Variants in HDAC9 observed in about 807,000 individuals in gnomAD.
HDAC9 encodes the protein histone deacetylase 9.
A neutral mutation model predicts 139.4 loss-of-function variants in HDAC9; 41 were observed. The observed-to-expected ratio is 0.29, with a 90% CI of 0.23 to 0.38. The LOEUF is 0.38. Ranked by LOEUF, HDAC9 falls within the 10% of genes least tolerant of loss-of-function variation. HDAC9 has a pLI of 1.00. For missense variants in HDAC9, 1,147 were observed against 1,297.0 expected, an observed-to-expected ratio of 0.88 and a Z score of 1.78; for synonymous variants, 517 against 476.2, an observed-to-expected ratio of 1.09 and a Z score of -1.12.
chr7:18,653,010 G>A (rs1237478859), intron 11 of HDAC9, among the ~76,000 whole-genome samples: 1 of 152,134 alleles, frequency 6.6e-6, no homozygotes, highest in Non-Finnish European at 1.5e-5. Context: ...GCCGATGTGG[G>A]TGGATAAGCT....
intron 1 of HDAC9, among the ~76,000 whole-genome samples, chr7:18,124,631 G>A (rs544907489): frequency 6.6e-6 from 1 of 152,166 alleles, no homozygotes; most frequent in African/African-American, 2.4e-5. Flanking sequence ...TTCTAATACC[G>A]TCAACTCTAG....
intron 2 of HDAC9, among the ~76,000 whole-genome samples, chr7:18,163,369 T>TA (rs1410848846): frequency 2.6e-5 from 4 of 152,244 alleles, no homozygotes; most frequent in African/African-American, 9.6e-5. Flanking sequence ...AGATGGCAGT[T>TA]ACTTACTTAT....
intron 13 of HDAC9, among the ~76,000 whole-genome samples, chr7:18,730,019 A>G (rs1196901763): frequency 6.6e-6 from 1 of 152,240 alleles, no homozygotes. Context: ...ACTAAGAGGA[A>G]TATTTGTTAG....
intron 1 of HDAC9, among the ~76,000 whole-genome samples, chr7:18,423,034 A>C (rs1049152889): frequency 6.6e-6 from 1 of 152,188 alleles, no homozygotes; most frequent in African/African-American, 2.4e-5. Flanking sequence ...GCAGACTGCT[A>C]TTGGGTAATT....
intron 2 of HDAC9, among the ~76,000 whole-genome samples, chr7:18,563,558 C>T (rs914459245): frequency 1.3e-5 from 2 of 152,084 alleles, no homozygotes; most frequent in African/African-American, 4.8e-5. Flanking sequence ...TCTGTGATTA[C>T]ACAATGTATT....
intron 1 of HDAC9, among the ~76,000 whole-genome samples, chr7:18,407,789 A>G (rs556874710): frequency 1.7e-4 from 26 of 152,338 alleles, no homozygotes; most frequent in African/African-American, 6.0e-4. Flanking sequence ...GGATGCTGCT[A>G]TTCCCCGCAG....
At chr7:18,585,220 C>G in intron 2 of HDAC9, 61 bp from the exon 3 acceptor site, 1 of 1,565,946 alleles carries the variant, frequency 6.4e-7, no homozygotes, top group Non-Finnish European at 8.7e-7. Context: ...AATCAATGTG[C>G]TAATTTCCAA....
At chr7:18,854,602 A>G (rs1021502574) in intron 21 of HDAC9, among the ~76,000 whole-genome samples, 2 of 152,022 alleles carry the variant, frequency 1.3e-5, no homozygotes, top group Admixed American at 6.6e-5. Context: ...TGGCTGTAAG[A>G]GAAAGAAACA....
rs562262578 is a variant in HDAC9, at chr7:18,496,924, CAT to C, written c.22+601_22+602del. ...TGCTTATTTTAATTTTCTTCAAAAA[CAT>C]GTGGGAAGTCTAGCATTGTCAGGCA... On this transcript the variant is annotated intron_variant, in intron 2 of 25. Coordinates refer to ENST00000686413, the MANE Select transcript of HDAC9 (RefSeq NM_178425.4). Among the ~76,000 whole-genome samples the C allele has an allele frequency of 1.4e-3, 217 of 152,096 alleles. 2 individuals are homozygous for C. The highest frequency in any genetic ancestry group is 5.1e-3 in the African/African-American group (211 of 41,500).
chr7:18,222,043 G>A (rs1413325272), intron 2 of HDAC9, among the ~76,000 whole-genome samples: 1 of 152,136 alleles, frequency 6.6e-6, no homozygotes, highest in African/African-American at 2.4e-5. Flanking sequence ...TGAAAGAAGT[G>A]AATTAGTTTG....
chr7:18,283,247 G>A (rs1195372418), intron 2 of HDAC9, among the ~76,000 whole-genome samples: 1 of 152,108 alleles, frequency 6.6e-6, no homozygotes, highest in African/African-American at 2.4e-5. Context: ...CATGGTGGCA[G>A]GAGGGAGCAA....
chr7:18,577,759 A>G (rs1429040342), intron 2 of HDAC9, among the ~76,000 whole-genome samples: 1 of 152,212 alleles, frequency 6.6e-6, no homozygotes, highest in Non-Finnish European at 1.5e-5. Flanking sequence ...GAAGGAAACT[A>G]TGTGTTAAGA....
At chr7:18,567,285 CT>C (rs1822672275) in intron 2 of HDAC9, among the ~76,000 whole-genome samples, 1 of 152,144 alleles carries the variant, frequency 6.6e-6, no homozygotes, top group Non-Finnish European at 1.5e-5. Context: ...CTTCTCCCCC[CT>C]AACTGGGCAA....
intron 21 of HDAC9, among the ~76,000 whole-genome samples, chr7:18,866,507 G>T (rs894086479): frequency 6.6e-6 from 1 of 152,068 alleles, no homozygotes; most frequent in Admixed American, 6.6e-5. Flanking sequence ...TACACTGTGT[G>T]TGCCTGGGTT....
At chr7:18,714,384 G>A (rs992139789) in intron 12 of HDAC9, among the ~76,000 whole-genome samples, 3 of 152,204 alleles carry the variant, frequency 2.0e-5, no homozygotes, top group Non-Finnish European at 4.4e-5. Context: ...GCTATTTGCT[G>A]ACTTGCTGTT....
Position 18,585,850 on chromosome 7 carries a change from A to G in HDAC9, c.264+328A>G, listed in dbSNP as rs1829314634. On this transcript the variant is annotated intron_variant, in intron 3 of 25. Coordinates refer to ENST00000686413, the MANE Select transcript of HDAC9 (RefSeq NM_178425.4). ...CTCCACCAAGAAGAAGCATGAGCCT[A>G]GAAGACCCATTTCATATTTCATTTC... Among the ~76,000 whole-genome samples, 6 of 152,226 alleles carry G rather than the reference A, an allele frequency of 3.9e-5. No homozygotes were observed. In the South Asian group the frequency reaches 1.3e-3, roughly 32 times the overall value.
intron 25 of HDAC9, among the ~76,000 whole-genome samples, chr7:18,987,829 T>C (rs949864689): frequency 1.2e-4 from 18 of 152,194 alleles, no homozygotes; most frequent in Non-Finnish European, 2.4e-4. Context: ...TATCCATTTC[T>C]TCTAGATTTT....
At chr7:18,704,580 T>C (rs1471630644) in intron 12 of HDAC9, among the ~76,000 whole-genome samples, 2 of 152,202 alleles carry the variant, frequency 1.3e-5, no homozygotes, top group Non-Finnish European at 2.9e-5. Flanking sequence ...ACTTTGACCT[T>C]GATAGTCTCT....
At chr7:18,427,515 A>G (rs1019958198) in intron 1 of HDAC9, among the ~76,000 whole-genome samples, 2 of 151,686 alleles carry the variant, frequency 1.3e-5, no homozygotes, top group East Asian at 3.9e-4. Flanking sequence ...TCCCTCTCCC[A>G]ATCCACAATC....
Sources: gnomAD v4.1 joint callset for allele counts (sites outside exome capture counted in the v4.1 genomes callset) on GRCh38, gnomAD v4.1.1 for gene constraint, MANE v1.5 for transcripts, NCBI Gene and HGNC (gene_info 2026-07-23, HGNC 2026-07-21) for gene names.